The following CACUL1 variants were observed in gnomAD, a reference collection of about 807,000 sequenced individuals.
CACUL1 encodes the protein CDK2-associated and cullin domain-containing protein 1.
In CACUL1, 13 loss-of-function variants were observed where a neutral mutation model predicts 45.2. The observed-to-expected ratio is 0.29, with a 90% CI of 0.19 to 0.46. The LOEUF (loss-of-function observed/expected upper bound fraction) is 0.46. Ranked by LOEUF, CACUL1 falls within the 20% of genes least tolerant of loss-of-function variation. CACUL1 has a pLI of 1.00. For missense variants in CACUL1, 421 were observed against 471.4 expected, an observed-to-expected ratio of 0.89 and a Z score of 0.99; for synonymous variants, 197 against 174.2, an observed-to-expected ratio of 1.13 and a Z score of -1.03.
At chr10:118,748,950 G>A (rs1311276932) in intron 1 of CACUL1, among the ~76,000 whole-genome samples, 1 of 152,094 alleles carries the variant, frequency 6.6e-6, no homozygotes. Context: ...GGAAAAGGAA[G>A]AAGAGTCAGG....
intron 5 of CACUL1, among the ~76,000 whole-genome samples, chr10:118,700,272 T>A (rs1317037201): frequency 3.3e-5 from 5 of 152,160 alleles, no homozygotes; most frequent in Non-Finnish European, 5.9e-5. Flanking sequence ...AATGACTTGA[T>A]GTGTCACATA....
At chr10:118,727,578 T>C (rs1845663502) in intron 3 of CACUL1, among the ~76,000 whole-genome samples, 1 of 152,182 alleles carries the variant, frequency 6.6e-6, no homozygotes, top group Non-Finnish European at 1.5e-5. Flanking sequence ...CTGATGGGAA[T>C]GCAACTTGAT....
Position 118,754,384 on chromosome 10 carries a change from G to C in CACUL1, c.367+12C>G. 1 of 1,534,300 alleles carries C rather than the reference G, an allele frequency of 6.5e-7. No homozygotes were observed. Among genetic ancestry groups the C allele is most frequent in the East Asian group, 2.4e-5 (1 of 40,916 alleles). ...GAGAAAAGCCAAGGCTGCAGGGAAA[G>C]GCTGGACTCACAGAACTTGGAGGTG... On this transcript the variant is annotated intron_variant, in intron 1 of 8. Transcript: ENST00000369151.
Position 118,677,472 on chromosome 10 carries a change from C to T in CACUL1, c.*8656G>A, listed in dbSNP as rs1348599782. On this transcript the variant is annotated 3_prime_UTR_variant, in exon 9 of 9. Transcript: ENST00000369151. ...AGTGCTTCCAAGTCCCCGTTCTCCC[C>T]TCTGTTCTCATTCCCCTCCACCACC... 1 of 152,208 alleles carries T rather than the reference C, an allele frequency of 6.6e-6. No individual in the cohort carries two copies. Among genetic ancestry groups the T allele is most frequent in the Non-Finnish European group, 1.5e-5 (1 of 68,044 alleles). 9.4% of individuals were successfully genotyped at this position (152,208 alleles called of 1,614,324 possible). A position where few individuals can be genotyped will look rare whatever the true frequency, so the allele number is the denominator to read the frequency against.
At position 118,679,518 on chromosome 10, in the gene CACUL1, A is replaced by G. The variant is rs1845131469; in HGVS notation, c.*6610T>C. The G allele has an allele frequency of 6.6e-6, 1 of 151,446 alleles. No homozygotes were observed. Among genetic ancestry groups the G allele is most frequent in the Admixed American group, 6.6e-5 (1 of 15,140 alleles). 9.4% of individuals were successfully genotyped at this position (151,446 alleles called of 1,614,324 possible). On this transcript the variant is annotated 3_prime_UTR_variant, in exon 9 of 9. Coordinates refer to ENST00000369151, the MANE Select transcript of CACUL1 (RefSeq NM_153810.5). Reference sequence around the variant, plus strand: ...GGCAAGAGCCACTGTGCCAGGCCCAACTTTTTTTGTTTTTTGCTTGAGATA... The same window carrying G: ...GGCAAGAGCCACTGTGCCAGGCCCAGCTTTTTTTGTTTTTTGCTTGAGATA...
chr10:118,723,734 T>A (rs1458009523), intron 3 of CACUL1, among the ~76,000 whole-genome samples: 2 of 152,198 alleles, frequency 1.3e-5, no homozygotes, highest in Non-Finnish European at 2.9e-5. Flanking sequence ...TTACTTTTGT[T>A]ACTAGTAAGC....
intron 7 of CACUL1, among the ~76,000 whole-genome samples, chr10:118,690,271 G>A (rs111616772): frequency 0.14 from 19,032 of 132,906 alleles, 1,448 homozygotes; most frequent in Admixed American, 0.32. Context: ...ACTGCAGTCC[G>A]CAGTCCGGCC....
chr10:118,693,676 A>C, intron 6 of CACUL1: 1 of 452,896 alleles, frequency 2.2e-6, no homozygotes, highest in South Asian at 1.6e-5. Flanking sequence ...CAAAGGAAAA[A>C]AAATCATTCA....
intron 5 of CACUL1, among the ~76,000 whole-genome samples, chr10:118,697,495 G>C (rs1397354353): frequency 6.6e-6 from 1 of 152,236 alleles, no homozygotes; most frequent in Admixed American, 6.5e-5. Flanking sequence ...CAGGTTAAGT[G>C]TCTTGCTGAA....
At chr10:118,716,556 C>G (rs1019112218) in intron 3 of CACUL1, among the ~76,000 whole-genome samples, 1 of 151,256 alleles carries the variant, frequency 6.6e-6, no homozygotes, top group Non-Finnish European at 1.5e-5. Context: ...TTCAGACTAG[C>G]ATTCCAGCTG....
chr10:118,753,661 G>C (rs1254188970), intron 1 of CACUL1, among the ~76,000 whole-genome samples: 1 of 152,220 alleles, frequency 6.6e-6, no homozygotes, highest in East Asian at 1.9e-4. Flanking sequence ...GCAATTGAGC[G>C]TTAAGACAGA....
chr10:118,737,702 A>C (rs1431661186), intron 1 of CACUL1, among the ~76,000 whole-genome samples: 39 of 152,188 alleles, frequency 2.6e-4, no homozygotes, highest in Non-Finnish European at 7.4e-5. Context: ...AAAAAAAAAA[A>C]AAAACCTAGC....
At chr10:118,722,010 T>A (rs181712346) in intron 3 of CACUL1, among the ~76,000 whole-genome samples, 3 of 152,138 alleles carry the variant, frequency 2.0e-5, no homozygotes, top group Non-Finnish European at 4.4e-5. Context: ...CCCCACCTTA[T>A]CCAGTTTCCC....
rs929746550 is a variant in CACUL1, at chr10:118,700,008, T to C, written c.796+1298A>G. ...AGCCTTACAAAAAAAAATGGGAACA[T>C]AATAATGAAATGTATATTATCTTCA... is the stretch of plus-strand genomic sequence containing the variant. On this transcript the variant is annotated intron_variant, in intron 5 of 8. Coordinates refer to ENST00000369151, the MANE Select transcript of CACUL1 (RefSeq NM_153810.5). 2.0e-5 allele frequency among the ~76,000 whole-genome samples: 3 copies of C among 151,686 alleles called. No homozygotes were observed. The East Asian group carries it at 5.8e-4, about 29-fold the overall frequency.
At chr10:118,726,288 A>G in intron 3 of CACUL1, 1 of 1,275,918 alleles carries the variant, frequency 7.8e-7, no homozygotes, top group Non-Finnish European at 1.0e-6. Flanking sequence ...AAATCTAGAG[A>G]GCACAGGAGT....
chr10:118,743,120 A>T (rs913736940), intron 1 of CACUL1, among the ~76,000 whole-genome samples: 4 of 152,178 alleles, frequency 2.6e-5, no homozygotes, highest in Admixed American at 1.3e-4. Flanking sequence ...ATTAGATACT[A>T]AAAAAGAAAA....
chr10:118,743,899 A>C (rs1264475609), intron 1 of CACUL1, among the ~76,000 whole-genome samples: 1 of 152,246 alleles, frequency 6.6e-6, no homozygotes, highest in Non-Finnish European at 1.5e-5. Context: ...GAACAAATTG[A>C]AGGCCAACAG....
At chr10:118,742,326 T>A (rs2119669679) in intron 1 of CACUL1, among the ~76,000 whole-genome samples, 1 of 152,348 alleles carries the variant, frequency 6.6e-6, no homozygotes, top group East Asian at 1.9e-4. Context: ...ATATTAACAA[T>A]CAACCTTTAT....
At chr10:118,736,017 A>G (rs967278533) in intron 1 of CACUL1, among the ~76,000 whole-genome samples, 4 of 152,186 alleles carry the variant, frequency 2.6e-5, no homozygotes, top group Non-Finnish European at 4.4e-5. Context: ...ATCTGTGAAT[A>G]ACAATCTAAT....
Sources: allele counts gnomAD v4.1 joint callset (sites outside exome capture counted in the v4.1 genomes callset), GRCh38; gene constraint gnomAD v4.1.1; transcripts MANE v1.5; gene names NCBI Gene and HGNC (gene_info 2026-07-23, HGNC 2026-07-21).